The following PCNX1 variants were observed in gnomAD, a reference collection of about 807,000 sequenced individuals.
PCNX1 encodes pecanex 1.
PCNX1 carries 78 observed loss-of-function variants against 242.2 expected under a neutral mutation model. The ratio of observed to expected loss-of-function variants is 0.32; its 90% CI spans 0.27 to 0.39. PCNX1 has a LOEUF of 0.39. Ranked by LOEUF, PCNX1 falls within the 10% of genes least tolerant of loss-of-function variation. PCNX1 has a pLI of 1.00. For missense variants in PCNX1, 2,581 were observed against 2,856.5 expected (o/e 0.90, Z 2.20); for synonymous variants, 1,024 against 1,032.9 (o/e 0.99, Z 0.17).
chr14:70,949,139 CAT>C (rs1183470212), intron 2 of PCNX1, among the ~76,000 whole-genome samples: 19 of 109,086 alleles, frequency 1.7e-4, no homozygotes, highest in East Asian at 7.3e-4. Flanking sequence ...TACATATACA[CAT>C]ATGTATATGT....
chr14:70,978,097 C>G lies in PCNX1; in HGVS notation c.1760C>G (p.Ser587Cys), dbSNP rs1299525957. The G allele has an allele frequency of 1.2e-6, 2 of 1,614,020 alleles. No individual in the cohort carries two copies. Among genetic ancestry groups the G allele is most frequent in the Non-Finnish European group, 1.7e-6 (2 of 1,180,048 alleles). ...HRDYVCFRGV[S>C]GTKPHSAIFC... ...GACTATGTTTGCTTTCGAGGTGTTT[C>G]TGGTACCAAGCCACACAGTGCTATA... is the stretch of plus-strand genomic sequence containing the variant. The change falls in exon 6 of 36, where the codon TCT becomes TGT. Residue 587 changes from serine to cysteine, a missense_variant. Around this residue, in one of 9 missense-constraint regions of PCNX1, gnomAD observed 1,204 missense variants for 1,216.7 expected, o/e 0.99. Transcript: ENST00000304743.
At chr14:70,934,506 T>C (rs535535359) in intron 1 of PCNX1, among the ~76,000 whole-genome samples, 251 of 152,322 alleles carry the variant, frequency 1.6e-3, no homozygotes, top group Non-Finnish European at 2.9e-3. Flanking sequence ...GGACTTGAAC[T>C]CCTGGGCTCA....
intron 28 of PCNX1, among the ~76,000 whole-genome samples, chr14:71,083,427 A>G (rs1480078352): frequency 6.6e-6 from 1 of 151,588 alleles, no homozygotes; most frequent in Non-Finnish European, 1.5e-5. Context: ...AGTTCTAGGT[A>G]ATAATCCTGA....
rs1253448038 is a variant in PCNX1 at position 71,113,295 on chromosome 14, TATA to T, written c.*3363_*3365del. 6.6e-6 allele frequency: 1 copy of T among 152,454 alleles called. No individual in the cohort carries two copies. The highest frequency in any genetic ancestry group is 1.5e-5 in the Non-Finnish European group (1 of 68,038). The allele number at this position is 152,454 out of a possible 1,614,324, so 9.4% of individuals were successfully genotyped here. On this transcript the variant is annotated 3_prime_UTR_variant, in exon 36 of 36. Coordinates refer to ENST00000304743, the MANE Select transcript of PCNX1 (RefSeq NM_014982.3). ...ATATTTCAAGTATATCTGAACTACT[TATA>T]ATTCTTAAAACAGAAGTAGTCAGAC...
intron 12 of PCNX1, among the ~76,000 whole-genome samples, chr14:71,022,516 C>T (rs1219453123): frequency 2.0e-5 from 3 of 152,006 alleles, no homozygotes; most frequent in Non-Finnish European, 4.4e-5. Flanking sequence ...GAGCTTGGCC[C>T]AGTATCGAAT....
At chr14:70,983,247 GA>G (rs1244475691) in intron 6 of PCNX1, among the ~76,000 whole-genome samples, 1 of 152,104 alleles carries the variant, frequency 6.6e-6, no homozygotes, top group Non-Finnish European at 1.5e-5. Context: ...TTGGCTGGTG[GA>G]CTTGTGGAAA....
intron 28 of PCNX1, among the ~76,000 whole-genome samples, chr14:71,082,155 T>G (rs1217863829): frequency 6.6e-6 from 1 of 152,118 alleles, no homozygotes; most frequent in Non-Finnish European, 1.5e-5. Flanking sequence ...AGTTTCCGTG[T>G]TGTTGTGCGG....
At chr14:70,949,399 G>A (rs8004622) in intron 2 of PCNX1, among the ~76,000 whole-genome samples, 80 of 149,738 alleles carry the variant, frequency 5.3e-4, no homozygotes, top group African/African-American at 1.5e-3. Context: ...ATATGTGTGT[G>A]TGTGTACATA....
intron 2 of PCNX1, among the ~76,000 whole-genome samples, chr14:70,960,625 C>T (rs1224894981): frequency 2.6e-5 from 4 of 152,000 alleles, no homozygotes; most frequent in Non-Finnish European, 5.9e-5. Context: ...GATGCCCTCT[C>T]ACCACTCCTA....
chr14:71,038,473 A>T, intron 19 of PCNX1, among the ~76,000 whole-genome samples: 1 of 151,636 alleles, frequency 6.6e-6, no homozygotes, highest in African/African-American at 2.4e-5. Flanking sequence ...CACATGAAAA[A>T]ATGCTCACCA....
intron 5 of PCNX1, 71 bp downstream of exon 5, chr14:70,969,181 A>G (rs540417519): frequency 1.1e-6 from 1 of 870,390 alleles, no homozygotes; most frequent in African/African-American, 1.7e-5. Context: ...AATATGCTGC[A>G]TACAATTTGG....
intron 1 of PCNX1, among the ~76,000 whole-genome samples, chr14:70,931,750 C>G (rs2056808040): frequency 6.6e-6 from 1 of 152,178 alleles, no homozygotes; most frequent in Non-Finnish European, 1.5e-5. Flanking sequence ...TGCCATAGCT[C>G]ACTAGAAGCA....
intron 5 of PCNX1, among the ~76,000 whole-genome samples, chr14:70,972,391 G>T (rs773586229): frequency 1.3e-5 from 2 of 152,134 alleles, no homozygotes; most frequent in Non-Finnish European, 2.9e-5. Flanking sequence ...TTAGATTCAG[G>T]AGTTGTCAGT....
intron 5 of PCNX1, among the ~76,000 whole-genome samples, chr14:70,973,252 C>CAAAAAAAA (rs71448337): frequency 2.5e-5 from 2 of 80,454 alleles, no homozygotes; most frequent in African/African-American, 4.9e-5. Flanking sequence ...CACTCTGTCT[C>CAAAAAAAA]AAAAAAAAAA....
Position 71,047,060 on chromosome 14 carries a change from G to T in PCNX1, c.4115G>T (p.Ser1372Ile), listed in dbSNP as rs771208161. The change falls in exon 21 of 36, where the codon AGC (serine) becomes ATC (isoleucine). Residue 1372 changes from serine (S) to isoleucine (I), a missense_variant. By Grantham distance (142) the Ser-to-Ile change is moderately radical. This residue lies in a region of PCNX1 where 432 missense variants were observed against 443.1 expected (regional missense o/e 0.97). Transcript: ENST00000304743. ...IYPLIVLNEL[S>I]SSAETIASPK... is the part of the protein sequence containing the mutation. Reference sequence around the variant, plus strand: ...CCATTGATTGTTCTCAATGAACTGAGCAGCAGTGCAGAGACAATTGCTAGT... The same window carrying T: ...CCATTGATTGTTCTCAATGAACTGATCAGCAGTGCAGAGACAATTGCTAGT... 3.3e-5 allele frequency: 53 copies of T among 1,610,562 alleles called. No homozygotes were observed. The highest frequency in any genetic ancestry group is 4.3e-5 in the Non-Finnish European group (51 of 1,177,516).
At chr14:71,058,665 G>C (rs759673967) in intron 26 of PCNX1, among the ~76,000 whole-genome samples, 6 of 152,178 alleles carry the variant, frequency 3.9e-5, no homozygotes, top group Non-Finnish European at 7.3e-5. Flanking sequence ...GCATAAGAAG[G>C]CTTGCACCTT....
chr14:70,970,469 G>A (rs2058508464), intron 5 of PCNX1, among the ~76,000 whole-genome samples: 1 of 152,114 alleles, frequency 6.6e-6, no homozygotes, highest in Non-Finnish European at 1.5e-5. Context: ...TCAACAACTA[G>A]ATAATAATCT....
chr14:71,036,478 T>C (rs1350709196), intron 19 of PCNX1, among the ~76,000 whole-genome samples: 1 of 152,202 alleles, frequency 6.6e-6, no homozygotes, highest in Non-Finnish European at 1.5e-5. Flanking sequence ...TCACCCAGCC[T>C]GTATATGTTT....
rs906801550 is a variant in PCNX1, at chr14:71,057,448, A to G, written c.4637-61A>G. 8.6e-6 allele frequency: 9 copies of G among 1,043,896 alleles called. No individual in the cohort carries two copies. The highest frequency in any genetic ancestry group is 3.2e-5 in the African/African-American group (2 of 62,616). 64.7% of individuals were successfully genotyped at this position (1,043,896 alleles called of 1,614,324 possible). On this transcript the variant is annotated intron_variant, in intron 25 of 35. Transcript: ENST00000304743. ...CTAGAAGTTTTTAATATTTTTAACAATCTTGTTTGTCAAGAGGACTTAAGG... is the reference window on the plus strand; with the variant it reads ...CTAGAAGTTTTTAATATTTTTAACAGTCTTGTTTGTCAAGAGGACTTAAGG...
Sources: allele counts gnomAD v4.1 joint callset (sites outside exome capture counted in the v4.1 genomes callset), GRCh38; gene constraint gnomAD v4.1.1; regional missense constraint gnomAD v4.1.1; transcripts MANE v1.5; gene names NCBI Gene and HGNC (gene_info 2026-07-23, HGNC 2026-07-21).